CPA1: variants seen among roughly 807,000 people sequenced by gnomAD.
CPA1 encodes the protein carboxypeptidase A1 (pancreatic).
CPA1 carries 42 observed loss-of-function variants against 48.7 expected under a neutral mutation model. That is an observed-to-expected ratio of 0.86 (90% CI 0.67 to 1.11). The LOEUF (loss-of-function observed/expected upper bound fraction) is 1.11, where lower values mean the gene tolerates loss of function less well. Among genes scored for constraint, CPA1 ranks in the 50% most tolerant of loss-of-function variants. The probability of loss-of-function intolerance (pLI) is 0.00; values close to 1 mark genes in which losing one functional copy is unlikely to be tolerated. For synonymous variants in CPA1, 203 were observed against 217.9 expected, an observed-to-expected ratio of 0.93 and a Z score of 0.60; for missense variants, 477 against 544.7, an observed-to-expected ratio of 0.88 and a Z score of 1.24.
chr7:130,382,038 G>A, intron 3 of CPA1, 70 bp from the exon 4 acceptor site: 1 of 1,346,116 alleles, frequency 7.4e-7, no homozygotes, highest in Non-Finnish European at 1.1e-6. Flanking sequence ...TGGGACGGTG[G>A]GGCTGCTAAG....
chr7:130,384,022 T>C, intron 6 of CPA1: 1 of 565,000 alleles, frequency 1.8e-6, no homozygotes. Context: ...ATCCTAACCT[T>C]ACACCCATTC....
At chr7:130,385,115 C>G in intron 7 of CPA1, 31 bp from the exon 8 acceptor site, 1 of 1,607,706 alleles carries the variant, frequency 6.2e-7, no homozygotes, top group Non-Finnish European at 8.5e-7. Flanking sequence ...GCTGGAGGAG[C>G]CACACCGCCA....
In CPA1 at chr7:130,384,962, C is replaced by T. The variant is rs1473728637; in HGVS notation, c.788-184C>T. ...CCCTCCCTGGGTGTGTCCATCAGCT[C>T]TGCCCAAACCAGGCTGGGAGGGCAG... On this transcript the variant is annotated intron_variant, in intron 7 of 9. Coordinates refer to ENST00000011292, the MANE Select transcript of CPA1 (RefSeq NM_001868.4). The T allele has an allele frequency of 4.6e-6, 3 of 646,240 alleles. No homozygotes were observed. The African/African-American group carries it at 5.5e-5, about 12-fold the overall frequency. The allele number at this position is 646,240 out of a possible 1,614,324, so 40.0% of individuals were successfully genotyped here.
Position 130,383,660 on chromosome 7 carries a change from CCCTCTGCT to C in CPA1, c.586-18_586-11del, listed in dbSNP as rs1554411540. The C allele has an allele frequency of 6.3e-7, 1 of 1,575,054 alleles. No individual in the cohort carries two copies. The highest frequency in any genetic ancestry group is 1.3e-5 in the African/African-American group (1 of 74,112). On this transcript the variant is annotated splice_polypyrimidine_tract_variant and intron_variant, in intron 5 of 9. Transcript: ENST00000011292. Reference sequence around the variant, plus strand: ...AGATGCCTGGCCCAGCCTGCGCTGCCCCTCTGCTCCTCTAACCCCCCAGATCACTCAAG... The same window carrying C: ...AGATGCCTGGCCCAGCCTGCGCTGCCCCTCTAACCCCCCAGATCACTCAAG...
At chr7:130,381,416 T>G (rs904261946) in intron 2 of CPA1, among the ~76,000 whole-genome samples, 7 of 152,082 alleles carry the variant, frequency 4.6e-5, no homozygotes, top group Admixed American at 1.3e-4. Flanking sequence ...CAAAGGCCCC[T>G]CACTCTGCTC....
rs782313134 is a variant in CPA1 at position 130,385,150 on chromosome 7, C to G, written c.792C>G (p.Ser264=). Residue 264 remains serine (S), a synonymous_variant, in exon 8 of 10, where the codon TCC becomes TCG. Coordinates refer to ENST00000011292, the MANE Select transcript of CPA1 (RefSeq NM_001868.4). ...NRNWDAGFGL[S]GASSNPCSET... ...ATGCCCTCTGTCCCCCCACAGTGTC[C>G]GGAGCCAGCAGTAACCCCTGCTCGG... 2.5e-6 allele frequency: 4 copies of G among 1,614,140 alleles called. No homozygotes were observed. The highest frequency in any genetic ancestry group is 1.1e-5 in the South Asian group (1 of 91,078).
Position 130,387,889 on chromosome 7 carries a change from G to T in CPA1, c.1138G>T (p.Glu380Ter), listed in dbSNP as rs148329227. ...GGGCATCAAGTACTCCTTCACCTTC[G>T]AGCTCCGGGACACTGGGCGCTATGG... ...SQGIKYSFTF[E>*]LRDTGRYGFL... The change falls in exon 10 of 10, where the codon GAG (glutamate) becomes TAG (stop). Residue 380 changes from glutamate to a stop codon, truncating the protein, a stop_gained. Coordinates refer to ENST00000011292, the MANE Select transcript of CPA1 (RefSeq NM_001868.4). LOFTEE classifies it high-confidence loss of function. This position sits in a 1 kb window ranked among gnomAD's most constrained non-coding sequence, Gnocchi z 4.6. The T allele has an allele frequency of 6.2e-7, 1 of 1,614,014 alleles. No homozygotes were observed. Among genetic ancestry groups the T allele is most frequent in the Non-Finnish European group, 8.5e-7 (1 of 1,180,006 alleles).
At chr7:130,386,528 T>C (rs1403237783) in intron 9 of CPA1, among the ~76,000 whole-genome samples, 3 of 151,884 alleles carry the variant, frequency 2.0e-5, no homozygotes, top group Non-Finnish European at 2.9e-5. Context: ...CGAGACTCCA[T>C]GTCAAAAAAA....
Position 130,387,725 on chromosome 7 carries a change from A to C in CPA1, c.1073-99A>C. On this transcript the variant is annotated intron_variant, in intron 9 of 9. Coordinates refer to ENST00000011292, the MANE Select transcript of CPA1 (RefSeq NM_001868.4). The surrounding 1 kb of genome is among the most constrained non-coding windows in gnomAD (Gnocchi z 4.6). ...ACACTGACTCCACTCAGCATTGCAC[A>C]AGGCACAGAGCTTTGGACAGGGTTG... 4 of 1,106,462 alleles carry C rather than the reference A, an allele frequency of 3.6e-6. No individual in the cohort carries two copies. The highest frequency in any genetic ancestry group is 5.3e-6 in the Non-Finnish European group (4 of 749,988). The allele number at this position is 1,106,462 out of a possible 1,614,324, so 68.5% of individuals were successfully genotyped here. A position where few individuals can be genotyped will look rare whatever the true frequency, so the allele number is the denominator to read the frequency against.
chr7:130,380,890 T>C, intron 1 of CPA1: 1 of 608,464 alleles, frequency 1.6e-6, no homozygotes, highest in Non-Finnish European at 3.0e-6. Context: ...AGTAACAGCG[T>C]CTAGAAGTTT....
chr7:130,383,413 G>A lies in CPA1; in HGVS notation c.506G>A (p.Arg169His), dbSNP rs114365673. The change falls in exon 5 of 10, where the codon CGT (arginine) becomes CAT (histidine). Residue 169 changes from arginine (R) to histidine (H), a missense_variant. Transcript: ENST00000011292. ...VLKFSTGGSK[R>H]PAIWIDTGIH... ...CAGTTCAGCACGGGGGGCAGTAAGC[G>A]TCCAGCCATCTGGATCGACACGGGC... 1.3e-4 allele frequency: 212 copies of A among 1,614,174 alleles called. 1 individual carries two copies. The South Asian group carries it at 1.9e-3, about 14-fold the overall frequency.
intron 8 of CPA1, 117 bp downstream of exon 8, chr7:130,385,462 C>A: frequency 2.1e-6 from 2 of 930,560 alleles, no homozygotes; most frequent in Non-Finnish European, 3.4e-6. Context: ...GACACCCTTC[C>A]TTCCCTGATG....
Position 130,381,699 on chromosome 7 carries a change from C to A in CPA1, c.217C>A (p.Gln73Lys). ...CGTCCGAGTGCCCTTCCCCAGCATC[C>A]AGGCGGTCAAGATCTTTCTGGAGTC... The part of the protein sequence containing the change: ...IDVRVPFPSI[Q>K]AVKIFLESHG... The change falls in exon 3 of 10, where the codon CAG becomes AAG. Residue 73 changes from glutamine (Q) to lysine (K), a missense_variant. By Grantham distance (53) the Gln-to-Lys change is moderately conservative. Coordinates refer to ENST00000011292, the MANE Select transcript of CPA1 (RefSeq NM_001868.4). 6.2e-7 allele frequency: 1 copy of A among 1,614,144 alleles called. No individual in the cohort carries two copies. The highest frequency in any genetic ancestry group is 8.5e-7 in the Non-Finnish European group (1 of 1,180,020).
rs1247840160 is a variant in CPA1 at position 130,383,837 on chromosome 7, C to T, written c.696+43C>T. 4 of 1,410,088 alleles carry T rather than the reference C, an allele frequency of 2.8e-6. No homozygotes were observed. The African/African-American group carries it at 4.2e-5, about 15-fold the overall frequency. The allele number at this position is 1,410,088 out of a possible 1,614,324, so 87.3% of individuals were successfully genotyped here. A position where few individuals can be genotyped will look rare whatever the true frequency, so the allele number is the denominator to read the frequency against. On this transcript the variant is annotated intron_variant, in intron 6 of 9. Coordinates refer to ENST00000011292, the MANE Select transcript of CPA1 (RefSeq NM_001868.4). ...TCCTTGGGGGAAGCAGGATGGGCCT[C>T]TGGCTTCTAAGCTGCACAAGTAGTT... is the stretch of plus-strand genomic sequence containing the variant.
rs557631781 is a variant in CPA1, at chr7:130,383,681, C to A, written c.586-3C>A. ...CTGCCCCTCTGCTCCTCTAACCCCC[C>A]AGATCACTCAAGACTACGGGCAGGA... On this transcript the variant is annotated splice_polypyrimidine_tract_variant and splice_region_variant and intron_variant, in intron 5 of 9. Coordinates refer to ENST00000011292, the MANE Select transcript of CPA1 (RefSeq NM_001868.4). The A allele has an allele frequency of 4.0e-4, 637 of 1,610,492 alleles. 7 individuals carry two copies. In the South Asian group the frequency reaches 5.7e-3, roughly 14 times the overall value.
chr7:130,388,086 G>A lies in CPA1; in HGVS notation c.*75G>A. The A allele has an allele frequency of 6.9e-7, 1 of 1,453,388 alleles. No individual in the cohort carries two copies. The highest frequency in any genetic ancestry group is 1.8e-5 in the Admixed American group (1 of 56,324). 90.0% of individuals were successfully genotyped at this position (1,453,388 alleles called of 1,614,324 possible). On this transcript the variant is annotated 3_prime_UTR_variant, in exon 10 of 10. Coordinates refer to ENST00000011292, the MANE Select transcript of CPA1 (RefSeq NM_001868.4). The stretch of plus-strand genomic sequence containing the variant: ...AACCAAATAAAGTTTGAGTGTACCA[G>A]GAACAGAATCCTGGGGCTTGCATGT...
chr7:130,384,471 C>CCA (rs1466471005), intron 6 of CPA1, 65 bp from the exon 7 acceptor site: 3 of 1,449,258 alleles, frequency 2.1e-6, no homozygotes, highest in African/African-American at 1.4e-5. Flanking sequence ...TGAACCACCC[C>CCA]CCACCCAGCA....
rs782472394 is a variant in CPA1 at position 130,381,881 on chromosome 7, G to A, written c.381+18G>A. On this transcript the variant is annotated intron_variant, in intron 3 of 9. Coordinates refer to ENST00000011292, the MANE Select transcript of CPA1 (RefSeq NM_001868.4). ...TGGAGGAGGTGAGGGCGCCCCTAGC[G>A]GCCGCTCCCTGCAGCCACCAGCTCT... 1.2e-6 allele frequency: 2 copies of A among 1,605,314 alleles called. No homozygotes were observed. Among genetic ancestry groups the A allele is most frequent in the East Asian group, 2.2e-5 (1 of 44,808 alleles).
chr7:130,387,722 C>A lies in CPA1; in HGVS notation c.1073-102C>A. 9.3e-7 allele frequency: 1 copy of A among 1,080,644 alleles called. No individual in the cohort carries two copies. Among genetic ancestry groups the A allele is most frequent in the Non-Finnish European group, 1.4e-6 (1 of 727,200 alleles). The allele number at this position is 1,080,644 out of a possible 1,614,324, so 66.9% of individuals were successfully genotyped here. ...TAGACACTGACTCCACTCAGCATTG[C>A]ACAAGGCACAGAGCTTTGGACAGGG... On this transcript the variant is annotated intron_variant, in intron 9 of 9. Transcript: ENST00000011292. The surrounding 1 kb of genome is among the most constrained non-coding windows in gnomAD (Gnocchi z 4.6).
Sources: allele counts gnomAD v4.1 joint callset (sites outside exome capture counted in the v4.1 genomes callset), GRCh38; gene constraint gnomAD v4.1.1; non-coding constraint Gnocchi (gnomAD v3.1); transcripts MANE v1.5; gene names NCBI Gene and HGNC (gene_info 2026-07-23, HGNC 2026-07-21).